AP5Z1: variants seen among roughly 807,000 people sequenced by gnomAD.
AP5Z1 encodes AP-5 complex subunit zeta-1.
In AP5Z1, 106 loss-of-function variants were observed where a neutral mutation model predicts 83.0. That is an observed-to-expected ratio of 1.28 (90% confidence interval 1.09 to 1.50). The LOEUF (loss-of-function observed/expected upper bound fraction) is 1.50, where lower values mean the gene tolerates loss of function less well. Among genes scored for constraint, AP5Z1 ranks in the 40% most tolerant of loss-of-function variants. The probability of loss-of-function intolerance (pLI) is 0.00; values close to 1 mark genes in which losing one functional copy is unlikely to be tolerated. For synonymous variants in AP5Z1, 751 were observed against 514.1 expected, an observed-to-expected ratio of 1.46 and a Z score of -6.23; for missense variants, 1,565 against 1,094.2, an observed-to-expected ratio of 1.43 and a Z score of -6.07.
Position 4,790,895 on chromosome 7 carries a change from G to C in AP5Z1, c.2153+8G>C, listed in dbSNP as rs189564026. On this transcript the variant is annotated splice_region_variant and intron_variant, in intron 16 of 16. Coordinates refer to ENST00000649063, the MANE Select transcript of AP5Z1 (RefSeq NM_014855.3). ...CCAAGATCTGATCCCCAGGTGCCTG[G>C]TCAGGGAGGGAGCGAAGCCTTCTGG... is the stretch of plus-strand genomic sequence containing the variant. 7.5e-6 allele frequency: 12 copies of C among 1,592,382 alleles called. No individual in the cohort carries two copies. The highest frequency in any genetic ancestry group is 1.7e-5 in the Admixed American group (1 of 57,750).
Position 4,788,144 on chromosome 7 carries a change from G to C in AP5Z1, c.1455-10G>C, listed in dbSNP as rs1361504020. 11 of 1,535,842 alleles carry C rather than the reference G, an allele frequency of 7.2e-6. 1 individual carries two copies. The South Asian group carries it at 9.6e-5, about 13-fold the overall frequency. ...CATCCCAGCCTGGCCTTGGGCGTCT[G>C]TCCACGCAGGTCAGCACCGGCTGCA... is the stretch of plus-strand genomic sequence containing the variant. On this transcript the variant is annotated splice_polypyrimidine_tract_variant and intron_variant, in intron 11 of 16. Coordinates refer to ENST00000649063, the MANE Select transcript of AP5Z1 (RefSeq NM_014855.3).
Position 4,784,197 on chromosome 7 carries a change from C to T in AP5Z1, c.622-6C>T, listed in dbSNP as rs1411814920. 1.3e-6 allele frequency: 2 copies of T among 1,583,334 alleles called. No homozygotes were observed. The highest frequency in any genetic ancestry group is 1.7e-6 in the Non-Finnish European group (2 of 1,166,524). ...CTCCGCCCACTCCTGCCTGTCCTTC[C>T]CACAGCCGGGCCCCGTCACCGAGGT... On this transcript the variant is annotated splice_region_variant and splice_polypyrimidine_tract_variant and intron_variant, in intron 5 of 16. Transcript: ENST00000649063.
chr7:4,789,694 C>T (rs1781685375), intron 13 of AP5Z1, 138 bp from the exon 14 acceptor site: 2 of 620,920 alleles, frequency 3.2e-6, no homozygotes, highest in African/African-American at 1.9e-5. Flanking sequence ...TCTCTGTGTC[C>T]CTGGGTGTTG....
At chr7:4,780,649 C>A (rs1373946474) in intron 1 of AP5Z1, among the ~76,000 whole-genome samples, 1 of 152,084 alleles carries the variant, frequency 6.6e-6, no homozygotes, top group African/African-American at 2.4e-5. Context: ...GCCTGTAATC[C>A]CATCTACTCG....
At position 4,790,526 on chromosome 7, in the gene AP5Z1, G is replaced by A. The variant is rs1781728649; in HGVS notation, c.1873G>A (p.Asp625Asn). The A allele has an allele frequency of 1.9e-6, 3 of 1,613,196 alleles. No homozygotes were observed. Among genetic ancestry groups the A allele is most frequent in the Non-Finnish European group, 2.5e-6 (3 of 1,179,870 alleles). Residue 625 changes from aspartate to asparagine, a missense_variant, in exon 15 of 17, where the codon GAC (aspartate) becomes AAC (asparagine). Physicochemically the swap from Asp to Asn is conservative, Grantham distance 23. Transcript: ENST00000649063. ...CTCCCTGGTGGTGGAGCTGGCAAGA[G>A]ACCTGCTGGAGTTCCTGGGCAGCGT... is the stretch of plus-strand genomic sequence containing the variant. ...KPSLVVELAR[D>N]LLEFLGSVNG...
intron 1 of AP5Z1, among the ~76,000 whole-genome samples, chr7:4,776,074 CA>C (rs1781217445): frequency 6.6e-6 from 1 of 152,180 alleles, no homozygotes; most frequent in Admixed American, 6.5e-5. Context: ...GGAAATCGGG[CA>C]GCCGGGAGAT....
intron 14 of AP5Z1, chr7:4,790,146 C>A: frequency 6.7e-7 from 1 of 1,487,904 alleles, no homozygotes; most frequent in Non-Finnish European, 8.9e-7. Context: ...TCTGCCGAGC[C>A]TGTCCTCTTC....
rs531727987 is a variant in AP5Z1, at chr7:4,784,749, A to T, written c.791-159A>T. Among the ~76,000 whole-genome samples the T allele has an allele frequency of 2.0e-5, 3 of 152,190 alleles. No homozygotes were observed. In the South Asian group the frequency reaches 6.2e-4, roughly 32 times the overall value. The stretch of plus-strand genomic sequence containing the variant: ...ACCCTGAAGGGCGGCCGTGATGGGG[A>T]AGCTGCCGGGTGGGTGGACGTCCTG... On this transcript the variant is annotated intron_variant, in intron 6 of 16. Transcript: ENST00000649063.
At chr7:4,780,885 C>T (rs1054251596) in intron 1 of AP5Z1, among the ~76,000 whole-genome samples, 4 of 152,138 alleles carry the variant, frequency 2.6e-5, no homozygotes, top group African/African-American at 9.7e-5. Flanking sequence ...TAAAAAGAAT[C>T]GGTTTTAGTC....
At chr7:4,784,481 G>T in intron 6 of AP5Z1, 110 bp downstream of exon 6, 1 of 1,329,548 alleles carries the variant, frequency 7.5e-7, no homozygotes, top group Non-Finnish European at 1.0e-6. Flanking sequence ...TGCCCAGGAT[G>T]CAGCAGAGGT....
At chr7:4,789,538 G>A (rs919276736) in intron 13 of AP5Z1, among the ~76,000 whole-genome samples, 3 of 152,242 alleles carry the variant, frequency 2.0e-5, no homozygotes, top group Non-Finnish European at 4.4e-5. Flanking sequence ...CGTTGCTTGG[G>A]CGCACCCTTG....
Position 4,787,668 on chromosome 7 carries a change from A to G in AP5Z1, c.1346A>G (p.Glu449Gly). The change falls in exon 11 of 17, where the codon GAG becomes GGG. Residue 449 changes from glutamate (E) to glycine (G), a missense_variant. By Grantham distance (98) the Glu-to-Gly change is moderately conservative. Coordinates refer to ENST00000649063, the MANE Select transcript of AP5Z1 (RefSeq NM_014855.3). ...TGGAACAGCCCACCCCTCACCTCCG[A>G]GTTTGTGGCGCTCCTCCCGGCCCTG... is the stretch of plus-strand genomic sequence containing the variant. Reference protein sequence around the residue: ...LAWNSPPLTSEFVALLPALVD... With the variant: ...LAWNSPPLTSGFVALLPALVD... The G allele has an allele frequency of 6.4e-7, 1 of 1,552,794 alleles. No homozygotes were observed. The highest frequency in any genetic ancestry group is 8.7e-7 in the Non-Finnish European group (1 of 1,148,808).
At chr7:4,787,450 C>A in intron 10 of AP5Z1, 184 bp from the exon 11 acceptor site, 1 of 836,102 alleles carries the variant, frequency 1.2e-6, no homozygotes, top group Non-Finnish European at 1.8e-6. Flanking sequence ...TGCACCACTG[C>A]ACTCCAGCCT....
chr7:4,788,795 C>T (rs949951448), intron 12 of AP5Z1, 45 bp from the exon 13 acceptor site: 10 of 1,498,904 alleles, frequency 6.7e-6, no homozygotes, highest in Non-Finnish European at 8.1e-6. Flanking sequence ...CTGCAGTCAC[C>T]AGGTCGGGGA....
rs975774214 is a variant in AP5Z1 at position 4,791,663 on chromosome 7, G to A, written c.*278G>A. 3.2e-4 allele frequency: 164 copies of A among 515,604 alleles called. No individual in the cohort carries two copies. Among genetic ancestry groups the A allele is most frequent in the South Asian group, 3.4e-4 (10 of 29,384 alleles). The allele number at this position is 515,604 out of a possible 1,614,324, so 31.9% of individuals were successfully genotyped here. On this transcript the variant is annotated 3_prime_UTR_variant, in exon 17 of 17. Transcript: ENST00000649063. ...AGGCTTGAGGCCCTGTGGCTGGGTC[G>A]GGTGGAGGCTGCTGGGTCTGTTTCC...
intron 9 of AP5Z1, 49 bp from the exon 10 acceptor site, chr7:4,786,201 G>C: frequency 6.6e-7 from 1 of 1,522,208 alleles, no homozygotes; most frequent in Non-Finnish European, 8.8e-7. Context: ...ACAGAAGCAC[G>C]GCCAGGGCGA....
chr7:4,781,125 GT>G (rs763790519), intron 1 of AP5Z1, 49 bp from the exon 2 acceptor site: 1 of 1,580,614 alleles, frequency 6.3e-7, no homozygotes, highest in South Asian at 1.2e-5. Context: ...CCTTTTTTTG[GT>G]TCCGAGCAGC....
At chr7:4,788,374 GC>G in intron 12 of AP5Z1, 80 bp downstream of exon 12, 1 of 1,444,218 alleles carries the variant, frequency 6.9e-7, no homozygotes, top group Non-Finnish European at 9.2e-7. Flanking sequence ...TCACTGCTCA[GC>G]CCTAGGCTGA....
chr7:4,784,913 A>T lies in AP5Z1; in HGVS notation c.796A>T (p.Arg266Trp). The change falls in exon 7 of 17, where the codon AGG becomes TGG. Residue 266 changes from arginine (R) to tryptophan (W), a missense_variant. Coordinates refer to ENST00000649063, the MANE Select transcript of AP5Z1 (RefSeq NM_014855.3). ...EGPGTLDTDD[R>W]SEQEGSTLSV... ...AGAGTTCCCACCTCCCGCAGATGAC[A>T]GGTCAGAGCAGGAGGGCTCCACTCT... 1 of 1,609,606 alleles carries T rather than the reference A, an allele frequency of 6.2e-7. No homozygotes were observed. The highest frequency in any genetic ancestry group is 8.5e-7 in the Non-Finnish European group (1 of 1,177,668).
Sources: allele counts gnomAD v4.1 joint callset (sites outside exome capture counted in the v4.1 genomes callset), GRCh38; gene constraint gnomAD v4.1.1; transcripts MANE v1.5; gene names NCBI Gene and HGNC (gene_info 2026-07-23, HGNC 2026-07-21).